Variants in FSHR observed in about 807,000 individuals in gnomAD.
The protein encoded by FSHR is follicle stimulating hormone receptor, also known as follicle-stimulating hormone receptor.
Under a neutral mutation model 52.1 loss-of-function variants are expected in FSHR, and 46 were observed. That is an observed-to-expected ratio of 0.88 (90% confidence interval 0.70 to 1.13). FSHR has a LOEUF of 1.13. Among genes scored for constraint, FSHR ranks in the 50% most tolerant of loss-of-function variants. FSHR has a pLI of 0.00. For missense variants in FSHR, 964 were observed against 834.6 expected, an observed-to-expected ratio of 1.16 and a Z score of -1.91; for synonymous variants, 399 against 309.6, an observed-to-expected ratio of 1.29 and a Z score of -3.03.
chr2:49,138,350 A>G (rs1320883197), intron 1 of FSHR, among the ~76,000 whole-genome samples: 2 of 152,200 alleles, frequency 1.3e-5, no homozygotes, highest in East Asian at 1.9e-4. Context: ...TTGCACTCCT[A>G]GGTATACACC....
rs866773263 is a variant in FSHR at position 49,146,408 on chromosome 2, G to C, written c.152+7858C>G. 9.9e-5 allele frequency among the ~76,000 whole-genome samples: 15 copies of C among 152,166 alleles called. No homozygotes were observed. The Middle Eastern group carries it at 0.01, about 104-fold the overall frequency. ...GAATTCAGGAGGGATGCAGTGCTCA[G>C]AGACCTGTCCCCCTGTTTAGTTATG... On this transcript the variant is annotated intron_variant, in intron 1 of 9. Coordinates refer to ENST00000406846, the MANE Select transcript of FSHR (RefSeq NM_000145.4).
rs13416651 is a variant in FSHR, at chr2:49,016,435, T to C, written c.374+1054A>G. Among the ~76,000 whole-genome samples the C allele has an allele frequency of 3.9e-5, 6 of 152,250 alleles. No individual in the cohort carries two copies. The South Asian group carries it at 6.2e-4, about 16-fold the overall frequency. On this transcript the variant is annotated intron_variant, in intron 4 of 9. Coordinates refer to ENST00000406846, the MANE Select transcript of FSHR (RefSeq NM_000145.4). ...GTTCAGGATCTTGGCCTTAAGATGC[T>C]TGCAGTCTTCAGCTGTCTCTCTTAG...
chr2:49,077,061 G>A (rs1669977780), intron 1 of FSHR, among the ~76,000 whole-genome samples: 3 of 152,170 alleles, frequency 2.0e-5, no homozygotes. Context: ...TCTTCTCACA[G>A]CTCCACTGGG....
chr2:48,963,319 G>A lies in FSHR; in HGVS notation c.1502C>T (p.Ala501Val), dbSNP rs1267136553. 3 of 1,613,916 alleles carry A rather than the reference G, an allele frequency of 1.9e-6. No homozygotes were observed. The highest frequency in any genetic ancestry group is 1.7e-5 in the Admixed American group (1 of 59,980). Residue 501 changes from alanine (A) to valine (V), a missense_variant, in exon 10 of 10, where the codon GCC (alanine) becomes GTC (valine). Ala to Val is a moderately conservative substitution (Grantham distance 64). Coordinates refer to ENST00000406846, the MANE Select transcript of FSHR (RefSeq NM_000145.4). ...VMGWIFAFAA[A>V]LFPIFGISSY... ...GCTGATGCCAAAGATGGGAAAGAGG[G>A]CAGCTGCAAAAGCAAAAATCCAGCC... is the stretch of plus-strand genomic sequence containing the variant.
chr2:49,140,779 G>C (rs1213694548), intron 1 of FSHR, among the ~76,000 whole-genome samples: 3 of 151,988 alleles, frequency 2.0e-5, no homozygotes, highest in African/African-American at 7.3e-5. Flanking sequence ...ATGAGGTCAT[G>C]ATAGATCAAT....
At chr2:49,003,383 T>A (rs1666973364) in intron 4 of FSHR, among the ~76,000 whole-genome samples, 1 of 152,084 alleles carries the variant, frequency 6.6e-6, no homozygotes, top group South Asian at 2.1e-4. Flanking sequence ...TGGAATCTAG[T>A]GGGGAAATCT....
Position 49,104,956 on chromosome 2 carries a change from A to G in FSHR, c.153-36666T>C, listed in dbSNP as rs993902104. Among the ~76,000 whole-genome samples the G allele has an allele frequency of 5.3e-5, 8 of 152,264 alleles. No homozygotes were observed. The East Asian group carries it at 1.5e-3, about 29-fold the overall frequency. On this transcript the variant is annotated intron_variant, in intron 1 of 9. Transcript: ENST00000406846. ...TGTAGAGAATGAGAAGGGCTTGGCAATGGAGACTTGTGAATTAAAGGTAAG... is the reference window on the plus strand; with the variant it reads ...TGTAGAGAATGAGAAGGGCTTGGCAGTGGAGACTTGTGAATTAAAGGTAAG...
chr2:49,069,568 A>G (rs1175445344), intron 1 of FSHR, among the ~76,000 whole-genome samples: 1 of 152,108 alleles, frequency 6.6e-6, no homozygotes, highest in Non-Finnish European at 1.5e-5. Context: ...CATGAGGGCA[A>G]AAATGTTTGC....
chr2:49,144,388 G>C (rs1229169142), intron 1 of FSHR, among the ~76,000 whole-genome samples: 2 of 152,010 alleles, frequency 1.3e-5, no homozygotes, highest in Non-Finnish European at 2.9e-5. Context: ...ATAACTATTT[G>C]CACTTCTTTC....
rs919529164 is a variant in FSHR at position 49,123,005 on chromosome 2, C to T, written c.152+31261G>A. The stretch of plus-strand genomic sequence containing the variant: ...TTCCTCTTCCCTTGCTTTCCTCCCT[C>T]CCTCCTTTCCTTTATCCTTCCTCGC... On this transcript the variant is annotated intron_variant, in intron 1 of 9. Coordinates refer to ENST00000406846, the MANE Select transcript of FSHR (RefSeq NM_000145.4). 2.6e-5 allele frequency among the ~76,000 whole-genome samples: 4 copies of T among 152,316 alleles called. No individual in the cohort carries two copies. The South Asian group carries it at 8.3e-4, about 32-fold the overall frequency.
At chr2:49,050,672 T>G (rs1171227747) in intron 2 of FSHR, among the ~76,000 whole-genome samples, 1 of 152,178 alleles carries the variant, frequency 6.6e-6, no homozygotes, top group Non-Finnish European at 1.5e-5. Context: ...TATCCCTGTC[T>G]ATACAGTGTG....
intron 2 of FSHR, among the ~76,000 whole-genome samples, chr2:49,066,954 T>A (rs1669525709): frequency 6.6e-6 from 1 of 152,064 alleles, no homozygotes; most frequent in African/African-American, 2.4e-5. Context: ...TCTCCCTGGT[T>A]TCCTTTGTGA....
At chr2:49,124,361 C>A (rs1389165386) in intron 1 of FSHR, among the ~76,000 whole-genome samples, 1 of 152,004 alleles carries the variant, frequency 6.6e-6, no homozygotes, top group East Asian at 1.9e-4. Context: ...AAAGTTTATC[C>A]TAGGTGGTAT....
intron 2 of FSHR, among the ~76,000 whole-genome samples, chr2:49,038,379 T>C (rs1339108262): frequency 1.3e-5 from 2 of 152,002 alleles, no homozygotes; most frequent in Non-Finnish European, 2.9e-5. Flanking sequence ...CCCAGTACTT[T>C]GGGAGGCCAA....
chr2:48,970,154 A>G (rs1474398464), intron 8 of FSHR, among the ~76,000 whole-genome samples: 2 of 152,140 alleles, frequency 1.3e-5, no homozygotes, highest in Admixed American at 6.5e-5. Context: ...TGAAAATTAC[A>G]TTTTCAAAGT....
intron 1 of FSHR, among the ~76,000 whole-genome samples, chr2:49,127,898 C>CTTCTTCTTCTTCTT (rs1558457105): frequency 3.7e-5 from 1 of 27,258 alleles, no homozygotes; most frequent in African/African-American, 1.8e-4. Context: ...TCTTCTTCTT[C>CTTCTTCTTCTTCTT]TTTTTTTTTT....
chr2:49,024,048 T>C (rs1019698168), intron 2 of FSHR, among the ~76,000 whole-genome samples: 2 of 152,158 alleles, frequency 1.3e-5, no homozygotes, highest in African/African-American at 4.8e-5. Flanking sequence ...GTCATATTAA[T>C]TTGTTCACCA....
At chr2:49,139,598 A>ATT (rs35872152) in intron 1 of FSHR, among the ~76,000 whole-genome samples, 21 of 139,258 alleles carry the variant, frequency 1.5e-4, no homozygotes, top group African/African-American at 3.0e-4. Flanking sequence ...ACTTCCAAGA[A>ATT]TTTTTTTTTT....
At chr2:49,079,920 G>C (rs755947032) in intron 1 of FSHR, among the ~76,000 whole-genome samples, 1 of 152,110 alleles carries the variant, frequency 6.6e-6, no homozygotes, top group Non-Finnish European at 1.5e-5. Context: ...CTGAACTGTA[G>C]TTTATGTGTA....
Sources: allele counts gnomAD v4.1 joint callset (sites outside exome capture counted in the v4.1 genomes callset), GRCh38; gene constraint gnomAD v4.1.1; transcripts MANE v1.5; gene names NCBI Gene and HGNC (gene_info 2026-07-23, HGNC 2026-07-21).